COL22A1: variants seen among roughly 807,000 people sequenced by gnomAD.
COL22A1 encodes collagen type XXII alpha 1 chain.
Under a neutral mutation model 248.9 loss-of-function variants are expected in COL22A1, and 221 were observed. That is an observed-to-expected ratio of 0.89 (90% confidence interval 0.80 to 0.99). COL22A1 has a LOEUF of 0.99. Ranked by LOEUF, COL22A1 falls within the 50% of genes least tolerant of loss-of-function variation. The pLI is 0.00. For synonymous variants in COL22A1, 891 were observed against 793.4 expected (o/e 1.12, Z -2.07); for missense variants, 2,240 against 2,179.0 (o/e 1.03, Z -0.56).
chr8:138,690,802 C>T lies in COL22A1; in HGVS notation c.2808+19G>A, dbSNP rs1378784192. The T allele has an allele frequency of 3.1e-6, 5 of 1,601,166 alleles. No individual in the cohort carries two copies. The highest frequency in any genetic ancestry group is 3.4e-6 in the Non-Finnish European group (4 of 1,173,332). ...GCTTGGTGGCTGGGCCGTGCGTATG[C>T]CCTCTCCCAATTACTCACCACACTT... is the stretch of plus-strand genomic sequence containing the variant. On this transcript the variant is annotated intron_variant, in intron 36 of 64. Coordinates refer to ENST00000303045, the MANE Select transcript of COL22A1 (RefSeq NM_152888.3).
intron 50 of COL22A1, among the ~76,000 whole-genome samples, chr8:138,628,844 C>A (rs2131987740): frequency 6.8e-6 from 1 of 147,452 alleles, no homozygotes; most frequent in Non-Finnish European, 1.5e-5. Context: ...CGGCTTACTG[C>A]AATCTCCACC....
chr8:138,886,453 A>T (rs1439052285), intron 1 of COL22A1, among the ~76,000 whole-genome samples: 1 of 152,154 alleles, frequency 6.6e-6, no homozygotes, highest in Non-Finnish European at 1.5e-5. Context: ...GAGAAAAAAA[A>T]GGAAAGAAAG....
At chr8:138,898,632 G>A (rs1814303709) in intron 1 of COL22A1, among the ~76,000 whole-genome samples, 1 of 152,098 alleles carries the variant, frequency 6.6e-6, no homozygotes. Flanking sequence ...CTAACTTAGC[G>A]AAATAGGTCC....
At chr8:138,821,106 C>A (rs1819079609) in intron 7 of COL22A1, 30 bp downstream of exon 7, 8 of 1,604,422 alleles carry the variant, frequency 5.0e-6, no homozygotes, top group Non-Finnish European at 6.8e-6. Context: ...GGCCTGGAAC[C>A]TGGGCTGCAG....
chr8:138,707,286 A>G (rs1443373869), intron 30 of COL22A1, among the ~76,000 whole-genome samples: 1 of 152,226 alleles, frequency 6.6e-6, no homozygotes, highest in Non-Finnish European at 1.5e-5. Flanking sequence ...AATTCATTTT[A>G]TGAGGCCAGC....
chr8:138,650,415 C>T (rs1822599985), intron 45 of COL22A1, among the ~76,000 whole-genome samples: 1 of 152,146 alleles, frequency 6.6e-6, no homozygotes, highest in Admixed American at 6.5e-5. Context: ...AAATATTGCT[C>T]CTCGAGTAAA....
At chr8:138,646,069 T>C (rs1326495825) in intron 47 of COL22A1, among the ~76,000 whole-genome samples, 1 of 152,182 alleles carries the variant, frequency 6.6e-6, no homozygotes. Context: ...GCCAGAGAGC[T>C]TCCCTGCCTA....
intron 41 of COL22A1, among the ~76,000 whole-genome samples, chr8:138,669,436 G>A (rs1210493198): frequency 3.9e-5 from 6 of 152,158 alleles, no homozygotes; most frequent in African/African-American, 1.4e-4. Context: ...GGCTTTAACT[G>A]TGCAGAACCA....
At chr8:138,631,296 C>A (rs1820702916) in intron 49 of COL22A1, among the ~76,000 whole-genome samples, 1 of 152,184 alleles carries the variant, frequency 6.6e-6, no homozygotes, top group South Asian at 2.1e-4. Context: ...ATAAATATTT[C>A]AAATGTGCTT....
intron 60 of COL22A1, among the ~76,000 whole-genome samples, chr8:138,600,763 C>A (rs1316224814): frequency 6.6e-6 from 1 of 152,192 alleles, no homozygotes; most frequent in African/African-American, 2.4e-5. Flanking sequence ...CCAAAGAAGT[C>A]ACTTCAATTT....
chr8:138,671,085 G>A (rs1824987766), intron 41 of COL22A1, among the ~76,000 whole-genome samples: 1 of 150,558 alleles, frequency 6.6e-6, no homozygotes, highest in South Asian at 2.1e-4. Flanking sequence ...CCACTTCAAT[G>A]CAGATTGTTT....
chr8:138,820,181 G>T (rs59163973), intron 7 of COL22A1, among the ~76,000 whole-genome samples: 10,066 of 152,140 alleles, frequency 0.066, 1,058 homozygotes, highest in African/African-American at 0.22. Context: ...AAACTTCCAA[G>T]AATCTATCCT....
At chr8:138,606,596 T>C in intron 57 of COL22A1, 144 bp from the exon 58 acceptor site, 1 of 782,666 alleles carries the variant, frequency 1.3e-6, no homozygotes, top group South Asian at 1.7e-5. Flanking sequence ...GGGCATGGGT[T>C]AGGAAAAGAC....
Position 138,843,942 on chromosome 8 carries a change from C to G in COL22A1, c.733+142G>C, listed in dbSNP as rs898824787. ...GATGAGAGCTGCCACCTGCACGATT[C>G]AAACCACTTTATCAGGACTCTGGTG... is the stretch of plus-strand genomic sequence containing the variant. On this transcript the variant is annotated intron_variant, in intron 4 of 64. Coordinates refer to ENST00000303045, the MANE Select transcript of COL22A1 (RefSeq NM_152888.3). 13 of 779,024 alleles carry G rather than the reference C, an allele frequency of 1.7e-5. No individual in the cohort carries two copies. In the African/African-American group the frequency reaches 2.0e-4, roughly 12 times the overall value. 48.3% of individuals were successfully genotyped at this position (779,024 alleles called of 1,614,324 possible).
chr8:138,634,172 T>A (rs965865680), intron 49 of COL22A1, among the ~76,000 whole-genome samples: 1 of 152,208 alleles, frequency 6.6e-6, no homozygotes, highest in African/African-American at 2.4e-5. Flanking sequence ...AGTTGAGTTG[T>A]TTAAAAAGAT....
intron 46 of COL22A1, among the ~76,000 whole-genome samples, chr8:138,647,302 T>G (rs781195100): frequency 6.6e-6 from 1 of 152,056 alleles, no homozygotes; most frequent in Non-Finnish European, 1.5e-5. Context: ...GGCTTGAGGG[T>G]TGCCTCATGA....
chr8:138,613,970 G>T, intron 55 of COL22A1, 50 bp from the exon 56 acceptor site: 1 of 1,414,572 alleles, frequency 7.1e-7, no homozygotes, highest in Non-Finnish European at 1.0e-6. Context: ...CTGTGTGAAG[G>T]TGATGGCATC....
chr8:138,638,067 C>T (rs1213475410), intron 47 of COL22A1, among the ~76,000 whole-genome samples: 1 of 150,978 alleles, frequency 6.6e-6, no homozygotes, highest in African/African-American at 2.4e-5. Flanking sequence ...TCATTATTGC[C>T]ATTGTCATCA....
At chr8:138,842,353 T>A (rs1334233049) in intron 4 of COL22A1, among the ~76,000 whole-genome samples, 1 of 152,218 alleles carries the variant, frequency 6.6e-6, no homozygotes, top group Non-Finnish European at 1.5e-5. Context: ...AATGATTCCT[T>A]TCTATGGATA....
Sources: gnomAD v4.1 joint callset for allele counts (sites outside exome capture counted in the v4.1 genomes callset) on GRCh38, gnomAD v4.1.1 for gene constraint, MANE v1.5 for transcripts, NCBI Gene and HGNC (gene_info 2026-07-23, HGNC 2026-07-21) for gene names.